The following DTNA variants were observed in gnomAD, a reference collection of about 807,000 sequenced individuals.
The protein encoded by DTNA is dystrobrevin alpha.
A neutral mutation model predicts 100.7 loss-of-function variants in DTNA; 43 were observed. That is an observed-to-expected ratio of 0.43 (90% CI 0.33 to 0.55). DTNA has a LOEUF of 0.55. DTNA is among the 20% of genes least tolerant of loss of function. DTNA has a pLI of 0.04. For missense variants in DTNA, 798 were observed against 953.9 expected (o/e 0.84, Z 2.15); for synonymous variants, 349 against 347.9 (o/e 1.00, Z -0.04).
intron 11 of DTNA, among the ~76,000 whole-genome samples, chr18:34,830,043 A>G (rs2095966629): frequency 6.6e-6 from 1 of 152,208 alleles, no homozygotes; most frequent in African/African-American, 2.4e-5. Flanking sequence ...CTATCACTTG[A>G]TAATGCTGGT....
chr18:34,870,590 T>C (rs978416602), intron 17 of DTNA, among the ~76,000 whole-genome samples: 6 of 152,206 alleles, frequency 3.9e-5, no homozygotes, highest in Non-Finnish European at 8.8e-5. Context: ...ATATTATTTC[T>C]CTGCTTAAAA....
chr18:34,616,774 A>G (rs1198397217), intron 1 of DTNA, among the ~76,000 whole-genome samples: 2 of 152,174 alleles, frequency 1.3e-5, no homozygotes, highest in Non-Finnish European at 2.9e-5. Context: ...ATGTTTTTCC[A>G]ATCGTTTGTG....
intron 1 of DTNA, among the ~76,000 whole-genome samples, chr18:34,748,781 A>G (rs993869995): frequency 6.6e-5 from 10 of 152,202 alleles, no homozygotes; most frequent in African/African-American, 1.9e-4. Context: ...TGCTTTGGCA[A>G]TGTGGGCTCT....
At position 34,835,498 on chromosome 18, in the gene DTNA, A is replaced by G. The variant is rs1299823258; in HGVS notation, c.1176-2596A>G. ...AAGAAGGGACCTGGTTAGAAGAAGGAAGAAAAGGAAGAGGAGAGGAGAGGA... is the reference window on the plus strand; with the variant it reads ...AAGAAGGGACCTGGTTAGAAGAAGGGAGAAAAGGAAGAGGAGAGGAGAGGA... On this transcript the variant is annotated intron_variant, in intron 11 of 22. Coordinates refer to ENST00000444659, the MANE Select transcript of DTNA (RefSeq NM_001386795.1). Among the ~76,000 whole-genome samples the G allele has an allele frequency of 3.9e-5, 6 of 152,192 alleles. 1 individual carries two copies. The highest frequency in any genetic ancestry group is 8.8e-5 in the Non-Finnish European group (6 of 68,034).
chr18:34,569,036 A>G (rs550311898), intron 1 of DTNA, among the ~76,000 whole-genome samples: 2 of 152,334 alleles, frequency 1.3e-5, no homozygotes, highest in Non-Finnish European at 2.9e-5. Context: ...TTCCAGCACA[A>G]AACTTTGACC....
intron 1 of DTNA, among the ~76,000 whole-genome samples, chr18:34,685,539 T>C (rs1220797011): frequency 6.6e-6 from 1 of 152,240 alleles, no homozygotes; most frequent in East Asian, 1.9e-4. Flanking sequence ...TTGGTTACTG[T>C]AGCCTTGTAG....
intron 1 of DTNA, among the ~76,000 whole-genome samples, chr18:34,503,507 A>G (rs1008761394): frequency 5.3e-5 from 8 of 151,654 alleles, no homozygotes; most frequent in African/African-American, 1.9e-4. Context: ...GATGGTCTCG[A>G]TCTCCCGACC....
At chr18:34,548,872 A>G (rs1176399423) in intron 1 of DTNA, among the ~76,000 whole-genome samples, 1 of 152,064 alleles carries the variant, frequency 6.6e-6, no homozygotes, top group Non-Finnish European at 1.5e-5. Context: ...CTTGGAGGAG[A>G]TAATGCCACT....
At chr18:34,794,362 C>CT in intron 4 of DTNA, 112 bp downstream of exon 4, 1 of 1,228,442 alleles carries the variant, frequency 8.1e-7, no homozygotes, top group Non-Finnish European at 1.2e-6. Flanking sequence ...TTTTTACTCT[C>CT]TTTTTTCTTA....
chr18:34,759,046 G>T (rs1205393453), intron 2 of DTNA, among the ~76,000 whole-genome samples: 1 of 151,982 alleles, frequency 6.6e-6, no homozygotes, highest in Non-Finnish European at 1.5e-5. Context: ...ATAAAAAATT[G>T]GGTGACCACC....
At chr18:34,804,802 T>A (rs1347851812) in intron 4 of DTNA, among the ~76,000 whole-genome samples, 1 of 152,126 alleles carries the variant, frequency 6.6e-6, no homozygotes, top group Non-Finnish European at 1.5e-5. Flanking sequence ...GGCTTAGAAA[T>A]AAATATGAAA....
At chr18:34,821,150 A>G (rs1487039839) in intron 9 of DTNA, 1 of 654,758 alleles carries the variant, frequency 1.5e-6, no homozygotes, top group East Asian at 3.2e-5. Context: ...GGAGGTGGAA[A>G]ATATTTCAGA....
intron 13 of DTNA, 96 bp from the exon 14 acceptor site, chr18:34,848,200 C>A: frequency 8.2e-7 from 1 of 1,220,444 alleles, no homozygotes; most frequent in Non-Finnish European, 1.2e-6. Context: ...TCTTTTGCAC[C>A]AAAACATTGA....
At chr18:34,515,270 C>G (rs752455268) in intron 1 of DTNA, among the ~76,000 whole-genome samples, 1 of 151,906 alleles carries the variant, frequency 6.6e-6, no homozygotes, top group African/African-American at 2.4e-5. Context: ...AAAAAACTCC[C>G]TTAATTTTTG....
intron 1 of DTNA, among the ~76,000 whole-genome samples, chr18:34,517,333 C>T (rs2041729424): frequency 6.6e-6 from 1 of 152,010 alleles, no homozygotes; most frequent in African/African-American, 2.4e-5. Flanking sequence ...TACAGAGGTC[C>T]CATGAACTTG....
chr18:34,753,417 C>G (rs1601465684), intron 1 of DTNA, among the ~76,000 whole-genome samples: 4 of 128,410 alleles, frequency 3.1e-5, no homozygotes, highest in Admixed American at 3.1e-4. Context: ...GAGTCTCGCT[C>G]TGTCGCCCAG....
intron 1 of DTNA, among the ~76,000 whole-genome samples, chr18:34,670,925 G>A (rs1599905006): frequency 1.3e-5 from 2 of 152,206 alleles, no homozygotes; most frequent in Admixed American, 6.5e-5. Flanking sequence ...TCTGTACTGG[G>A]AGAACCACTA....
rs59435726 is a variant in DTNA at position 34,610,823 on chromosome 18, A to T, written c.-2+117309A>T. Among the ~76,000 whole-genome samples the T allele has an allele frequency of 5.0e-3, 766 of 152,324 alleles. 10 individuals are homozygous for T. Among genetic ancestry groups the T allele is most frequent in the African/African-American group, 0.018 (734 of 41,578 alleles). On this transcript the variant is annotated intron_variant, in intron 1 of 19. Coordinates refer to the DTNA transcript ENST00000283365. Reference sequence around the variant, plus strand: ...AACAATAATAGAGCTACTGCCTAGGATTGTTAAAAAGATTCGATGAGATAA... The same window carrying T: ...AACAATAATAGAGCTACTGCCTAGGTTTGTTAAAAAGATTCGATGAGATAA...
chr18:34,837,877 C>G (rs1422547990), intron 11 of DTNA, among the ~76,000 whole-genome samples: 1 of 152,178 alleles, frequency 6.6e-6, no homozygotes, highest in Non-Finnish European at 1.5e-5. Flanking sequence ...GAGGTCAAAT[C>G]TGGGATCATG....
Sources: gnomAD v4.1 joint callset for allele counts (sites outside exome capture counted in the v4.1 genomes callset) on GRCh38, gnomAD v4.1.1 for gene constraint, MANE v1.5 for transcripts, NCBI Gene and HGNC (gene_info 2026-07-23, HGNC 2026-07-21) for gene names.